PCDH15: variants seen among roughly 807,000 people sequenced by gnomAD.
The protein encoded by PCDH15 is protocadherin related 15.
PCDH15 carries 129 observed loss-of-function variants against 178.5 expected under a neutral mutation model. That is an observed-to-expected ratio of 0.72 (90% CI 0.63 to 0.84). The LOEUF (loss-of-function observed/expected upper bound fraction) is 0.84, where lower values mean the gene tolerates loss of function less well. Ranked by LOEUF, PCDH15 falls within the 40% of genes least tolerant of loss-of-function variation. The pLI, the probability that PCDH15 is intolerant of heterozygous loss-of-function variation, is 0.00. For missense variants in PCDH15, 2,230 were observed against 2,099.9 expected, an observed-to-expected ratio of 1.06 and a Z score of -1.21; for synonymous variants, 800 against 732.0, an observed-to-expected ratio of 1.09 and a Z score of -1.50.
intron 2 of PCDH15, among the ~76,000 whole-genome samples, chr10:54,538,973 T>C (rs539765732): frequency 2.0e-4 from 31 of 152,218 alleles, no homozygotes; most frequent in Non-Finnish European, 4.0e-4. Flanking sequence ...GCATTGAAAG[T>C]TCAGTAGCAA....
rs374298250 is a variant in PCDH15, at chr10:55,360,736, G to C, written c.-155-194085C>G. Among the ~76,000 whole-genome samples, 8 of 152,008 alleles carry C rather than the reference G, an allele frequency of 5.3e-5. No individual in the cohort carries two copies. The East Asian group carries it at 1.5e-3, about 29-fold the overall frequency. ...ATGACTAGATCTTGTTTACAGCAGA[G>C]GTAGAGTATGGATTGGTACAATCAC... is the stretch of plus-strand genomic sequence containing the variant. On this transcript the variant is annotated intron_variant, in intron 2 of 5. Coordinates refer to the PCDH15 transcript ENST00000613346.
chr10:55,455,644 T>C (rs1470551979), intron 2 of PCDH15, among the ~76,000 whole-genome samples: 2 of 152,166 alleles, frequency 1.3e-5, no homozygotes, highest in East Asian at 1.9e-4. Flanking sequence ...GCTTACCTTC[T>C]ATTCAACATA....
chr10:55,364,227 CTG>C (rs1295589603), intron 2 of PCDH15, among the ~76,000 whole-genome samples: 1 of 152,146 alleles, frequency 6.6e-6, no homozygotes, highest in Non-Finnish European at 1.5e-5. Flanking sequence ...CCATGCTGAA[CTG>C]TGAGTCAATG....
intron 2 of PCDH15, among the ~76,000 whole-genome samples, chr10:55,350,786 T>C (rs991649827): frequency 1.3e-5 from 2 of 152,122 alleles, no homozygotes; most frequent in African/African-American, 2.4e-5. Context: ...CTGAATGTTT[T>C]ATTTTTCTTT....
At chr10:55,066,182 TTC>T (rs1841559771) in intron 2 of PCDH15, among the ~76,000 whole-genome samples, 1 of 151,392 alleles carries the variant, frequency 6.6e-6, no homozygotes, top group African/African-American at 2.4e-5. Context: ...TTAACAGCAG[TTC>T]TCTCTTATTT....
chr10:53,823,196 T>C, intron 32 of PCDH15: 1 of 1,614,064 alleles, frequency 6.2e-7, no homozygotes, highest in Non-Finnish European at 8.5e-7. Context: ...TGAATTTTCT[T>C]GCAGACTTCA....
intron 2 of PCDH15, among the ~76,000 whole-genome samples, chr10:54,910,481 A>T (rs1013474015): frequency 2.6e-5 from 4 of 152,214 alleles, no homozygotes; most frequent in African/African-American, 9.6e-5. Flanking sequence ...AAAATAACAA[A>T]TAACATTTTG....
intron 8 of PCDH15, among the ~76,000 whole-genome samples, chr10:54,282,961 T>C (rs1350261755): frequency 6.6e-6 from 1 of 151,820 alleles, no homozygotes; most frequent in Non-Finnish European, 1.5e-5. Context: ...TTTGAAAAAA[T>C]AGTTGAAAAG....
At chr10:54,903,531 A>G (rs1954672858) in intron 2 of PCDH15, among the ~76,000 whole-genome samples, 1 of 152,070 alleles carries the variant, frequency 6.6e-6, no homozygotes, top group Non-Finnish European at 1.5e-5. Context: ...AATCTGAAAA[A>G]TAAAATAGAA....
Position 54,521,942 on chromosome 10 carries a change from G to T in PCDH15, c.157+5870C>A, listed in dbSNP as rs181639983. 2.0e-5 allele frequency among the ~76,000 whole-genome samples: 3 copies of T among 151,996 alleles called. No homozygotes were observed. In the South Asian group the frequency reaches 6.3e-4, roughly 32 times the overall value. The stretch of plus-strand genomic sequence containing the variant: ...ATCTCTACTAAAGTACAAAAAATTA[G>T]CCAGGCATGGTGGTGGGTGCATGTG... On this transcript the variant is annotated intron_variant, in intron 3 of 37. Coordinates refer to ENST00000644397, the MANE Select transcript of PCDH15 (RefSeq NM_001384140.1).
intron 2 of PCDH15, among the ~76,000 whole-genome samples, chr10:54,599,142 GA>G (rs566154790): frequency 2.6e-5 from 4 of 151,526 alleles, no homozygotes; most frequent in East Asian, 1.9e-4. Flanking sequence ...CACAGAACTA[GA>G]AAAAAAATCA....
chr10:53,906,784 C>T (rs931771850), intron 25 of PCDH15: 1 of 141,980 alleles, frequency 7.0e-6, no homozygotes. Context: ...TGTTATTTTA[C>T]CCCACCCCTT....
At chr10:54,962,613 C>G (rs564951154) in intron 2 of PCDH15, among the ~76,000 whole-genome samples, 37 of 152,312 alleles carry the variant, frequency 2.4e-4, no homozygotes, top group African/African-American at 8.9e-4. Flanking sequence ...GAGCTACTTG[C>G]TGTACATTGG....
chr10:55,379,676 C>A (rs989409964), intron 2 of PCDH15, among the ~76,000 whole-genome samples: 1 of 151,960 alleles, frequency 6.6e-6, no homozygotes, highest in Non-Finnish European at 1.5e-5. Context: ...TCCATAACCT[C>A]AAATACTATA....
At chr10:55,159,780 TAA>T (rs1166201135) in intron 2 of PCDH15, among the ~76,000 whole-genome samples, 1 of 148,190 alleles carries the variant, frequency 6.7e-6, no homozygotes, top group Non-Finnish European at 1.5e-5. Context: ...AAGTACATAT[TAA>T]GAGATATATA....
At chr10:55,025,008 T>C (rs1840439490) in intron 2 of PCDH15, among the ~76,000 whole-genome samples, 1 of 152,170 alleles carries the variant, frequency 6.6e-6, no homozygotes, top group East Asian at 1.9e-4. Flanking sequence ...CTCTTCTACT[T>C]AAGGTTTCCA....
intron 1 of PCDH15, among the ~76,000 whole-genome samples, chr10:54,758,876 T>A (rs1947506628): frequency 6.6e-6 from 1 of 152,214 alleles, no homozygotes; most frequent in South Asian, 2.1e-4. Context: ...CTTCTCTTTA[T>A]GATTTCATCT....
chr10:53,841,295 A>C (rs969041854), intron 28 of PCDH15, among the ~76,000 whole-genome samples: 1 of 152,064 alleles, frequency 6.6e-6, no homozygotes, highest in Non-Finnish European at 1.5e-5. Context: ...CAGATGTTTA[A>C]ATTTAAATAA....
chr10:53,803,988 T>C lies in PCDH15; in HGVS notation c.*2591A>G, dbSNP rs1468021208. 3 of 152,020 alleles carry C rather than the reference T, an allele frequency of 2.0e-5. No individual in the cohort carries two copies. The highest frequency in any genetic ancestry group is 7.2e-5 in the African/African-American group (3 of 41,442). 9.4% of individuals were successfully genotyped at this position (152,020 alleles called of 1,614,324 possible). A position where few individuals can be genotyped will look rare whatever the true frequency, so the allele number is the denominator to read the frequency against. On this transcript the variant is annotated 3_prime_UTR_variant, in exon 38 of 38. Transcript: ENST00000644397. Reference sequence around the variant, plus strand: ...TTAAGATTAAACATACCTGGGTATTTCCTCTGGGTTCCACAGTTTTAATCC... The same window carrying C: ...TTAAGATTAAACATACCTGGGTATTCCCTCTGGGTTCCACAGTTTTAATCC...
Sources: allele counts gnomAD v4.1 joint callset (sites outside exome capture counted in the v4.1 genomes callset), GRCh38; gene constraint gnomAD v4.1.1; transcripts MANE v1.5; gene names NCBI Gene and HGNC (gene_info 2026-07-23, HGNC 2026-07-21).